CHEK1: variants seen among roughly 807,000 people sequenced by gnomAD.
The protein encoded by CHEK1 is serine/threonine-protein kinase Chk1.
In CHEK1, 32 loss-of-function variants were observed where a neutral mutation model predicts 60.2. The ratio of observed to expected loss-of-function variants is 0.53; its 90% confidence interval spans 0.40 to 0.71. CHEK1 has a LOEUF of 0.71. CHEK1 is among the 30% of genes least tolerant of loss of function. The pLI is 0.00. For synonymous variants in CHEK1, 179 were observed against 187.2 expected (o/e 0.96, Z 0.36); for missense variants, 399 against 564.6 (o/e 0.71, Z 2.97).
At position 125,653,967 on chromosome 11, in the gene CHEK1, T is replaced by C. The variant is rs1363765338; in HGVS notation, c.1335+120T>C. The stretch of plus-strand genomic sequence containing the variant: ...TAGGTTACTTGCTTTTTTCGTTTAA[T>C]ATTATGAGCATGTGTTTTCGTTATC... On this transcript the variant is annotated intron_variant, in intron 12 of 12. Transcript: ENST00000438015. The surrounding 1 kb of genome is among the most constrained non-coding windows in gnomAD (Gnocchi z 4.3). 8.9e-6 allele frequency: 5 copies of C among 560,998 alleles called. No individual in the cohort carries two copies. In the East Asian group the frequency reaches 1.6e-4, roughly 18 times the overall value. 34.8% of individuals were successfully genotyped at this position (560,998 alleles called of 1,614,324 possible).
intron 1 of CHEK1, 50 bp downstream of exon 1, chr11:125,626,062 CG>C (rs1397041881): frequency 7.3e-6 from 5 of 683,332 alleles, no homozygotes; most frequent in Admixed American, 6.1e-5. Context: ...AGAAGGAGTT[CG>C]GGGTCTAGAT....
chr11:125,637,367 C>T, intron 7 of CHEK1, 82 bp from the exon 8 acceptor site: 1 of 1,021,736 alleles, frequency 9.8e-7, no homozygotes, highest in South Asian at 1.7e-5. Flanking sequence ...AGTAGGCTAA[C>T]AGAAAATGTG....
chr11:125,645,158 AAG>A (rs1163210572), intron 11 of CHEK1, among the ~76,000 whole-genome samples: 2 of 152,146 alleles, frequency 1.3e-5, no homozygotes, highest in African/African-American at 4.8e-5. Context: ...TGCCTGGCCT[AAG>A]AAATAATATT....
At chr11:125,673,314 C>T (rs772608213) in intron 13 of CHEK1, among the ~76,000 whole-genome samples, 6 of 151,742 alleles carry the variant, frequency 4.0e-5, no homozygotes, top group Non-Finnish European at 7.4e-5. Context: ...AAGCGATTGT[C>T]CTCCCTCAGC....
intron 8 of CHEK1, 128 bp downstream of exon 8, chr11:125,637,672 T>C: frequency 2.0e-6 from 1 of 497,004 alleles, no homozygotes; most frequent in Non-Finnish European, 3.4e-6. Flanking sequence ...TAATGTCCAG[T>C]AGAAAAAAAT....
chr11:125,634,926 C>T (rs889122594), intron 6 of CHEK1, among the ~76,000 whole-genome samples: 1 of 151,160 alleles, frequency 6.6e-6, no homozygotes, highest in South Asian at 2.1e-4. Flanking sequence ...TTTGTGAAAA[C>T]AAGACTAGGG....
At chr11:125,648,066 TG>T (rs1370284541) in intron 11 of CHEK1, among the ~76,000 whole-genome samples, 1 of 152,040 alleles carries the variant, frequency 6.6e-6, no homozygotes, top group Non-Finnish European at 1.5e-5. Context: ...TAGTTTTCAG[TG>T]TTCAAGTCTT....
At chr11:125,679,513 T>C (rs1050542933), downstream of CHEK1, among the ~76,000 whole-genome samples, 6 of 151,826 alleles carry the variant, frequency 4.0e-5, no homozygotes, top group Non-Finnish European at 5.9e-5. Flanking sequence ...CCACTGTGTC[T>C]GGCCAATCCA....
At chr11:125,637,214 C>T (rs1403039248) in intron 7 of CHEK1, among the ~76,000 whole-genome samples, 1 of 152,112 alleles carries the variant, frequency 6.6e-6, no homozygotes, top group Non-Finnish European at 1.5e-5. Flanking sequence ...CCATCTGGCT[C>T]TTGTTCTCAG....
chr11:125,673,270 CCTCAG>C (rs1423453382), intron 13 of CHEK1, among the ~76,000 whole-genome samples: 2 of 150,366 alleles, frequency 1.3e-5, no homozygotes, highest in Non-Finnish European at 3.0e-5. Context: ...AGTGGTGCAA[CCTCAG>C]CTCACCGCAG....
chr11:125,647,657 T>C (rs1281855702), intron 11 of CHEK1, among the ~76,000 whole-genome samples: 1 of 152,216 alleles, frequency 6.6e-6, no homozygotes, highest in East Asian at 1.9e-4. Flanking sequence ...CCAAAAGTTT[T>C]GTGGATTTTA....
intron 3 of CHEK1, among the ~76,000 whole-genome samples, 179 bp downstream of exon 3, chr11:125,628,009 T>G (rs943878282): frequency 1.3e-5 from 2 of 151,932 alleles, no homozygotes; most frequent in Non-Finnish European, 2.9e-5. Context: ...ATATATAGAG[T>G]CAATGAAAGA....
rs1190534193 is a variant in CHEK1 at position 125,635,527 on chromosome 11, C to T, written c.712C>T (p.Pro238Ser). ...LNPWKKIDSA[P>S]LALLHKILVE... ...CCCTTGGAAAAAAATCGATTCTGCTCCTCTAGGTAACTGAATTATCTTGAG... is the reference window on the plus strand; with the variant it reads ...CCCTTGGAAAAAAATCGATTCTGCTTCTCTAGGTAACTGAATTATCTTGAG... Residue 238 changes from proline (P) to serine (S), a missense_variant, in exon 7 of 13, where the codon CCT becomes TCT. This residue lies in a region of CHEK1 where 370 missense variants were observed against 494.8 expected (regional missense o/e 0.75). Coordinates refer to ENST00000438015, the MANE Select transcript of CHEK1 (RefSeq NM_001114122.3). 3 of 1,588,182 alleles carry T rather than the reference C, an allele frequency of 1.9e-6. No individual in the cohort carries two copies. Among genetic ancestry groups the T allele is most frequent in the Non-Finnish European group, 1.7e-6 (2 of 1,165,286 alleles).
chr11:125,673,025 G>C (rs1942277892), intron 13 of CHEK1, among the ~76,000 whole-genome samples: 1 of 151,838 alleles, frequency 6.6e-6, no homozygotes, highest in Non-Finnish European at 1.5e-5. Context: ...TTTCCTTACA[G>C]CCTTCCCAGA....
At chr11:125,628,782 TA>T (rs1257112178) in intron 3 of CHEK1, among the ~76,000 whole-genome samples, 1 of 152,146 alleles carries the variant, frequency 6.6e-6, no homozygotes, top group Non-Finnish European at 1.5e-5. Flanking sequence ...ACCGTATCTC[TA>T]AAAAAAGTTA....
intron 9 of CHEK1, 39 bp downstream of exon 9, chr11:125,643,939 A>G: frequency 6.4e-7 from 1 of 1,567,712 alleles, no homozygotes; most frequent in Non-Finnish European, 8.8e-7. Context: ...TGATTGTAGT[A>G]TTCCCCATGA....
chr11:125,629,640 T>C (rs1940783281), intron 5 of CHEK1, among the ~76,000 whole-genome samples, 180 bp downstream of exon 5: 1 of 152,140 alleles, frequency 6.6e-6, no homozygotes, highest in Admixed American at 6.5e-5. Flanking sequence ...TATTTGGAAA[T>C]CACAAGTCTC....
chr11:125,663,847 C>T (rs1942056085), intron 13 of CHEK1, among the ~76,000 whole-genome samples: 1 of 152,038 alleles, frequency 6.6e-6, no homozygotes. Context: ...GTTTGTGGTA[C>T]AGGAAAGGAG....
At chr11:125,629,510 AAATTATTTTAATTACCT>A (rs751620936) in intron 5 of CHEK1, 50 bp downstream of exon 5, 3 of 1,277,278 alleles carry the variant, frequency 2.3e-6, no homozygotes, top group South Asian at 1.4e-5. Context: ...ATAATTACCT[AAATTATTTTAATTACCT>A]AATTATTTTA....
Sources: gnomAD v4.1 joint callset for allele counts (sites outside exome capture counted in the v4.1 genomes callset) on GRCh38, gnomAD v4.1.1 for gene constraint, gnomAD v4.1.1 regional missense constraint, Gnocchi (gnomAD v3.1) non-coding constraint, MANE v1.5 for transcripts, NCBI Gene and HGNC (gene_info 2026-07-23, HGNC 2026-07-21) for gene names.